Variants in JPT2 observed in about 807,000 individuals in gnomAD.
JPT2 encodes CRAMP_1 like.
In JPT2, 9 loss-of-function variants were observed where a neutral mutation model predicts 15.9. That is an observed-to-expected ratio of 0.57 (90% CI 0.34 to 0.99). JPT2 has a LOEUF of 0.99. Among genes scored for constraint, JPT2 ranks in the 50% least tolerant of loss-of-function variants. The pLI is 0.02. For synonymous variants in JPT2, 95 were observed against 91.7 expected (o/e 1.04, Z -0.21); for missense variants, 267 against 252.1 (o/e 1.06, Z -0.40).
chr16:1,691,706 C>T lies in JPT2; in HGVS notation c.194-137C>T, dbSNP rs2037104487. 5.9e-5 allele frequency: 60 copies of T among 1,011,580 alleles called. No individual in the cohort carries two copies. The South Asian group carries it at 9.6e-4, about 16-fold the overall frequency. The allele number at this position is 1,011,580 out of a possible 1,614,324, so 62.7% of individuals were successfully genotyped here. On this transcript the variant is annotated intron_variant, in intron 2 of 4. Coordinates refer to ENST00000248098, the MANE Select transcript of JPT2 (RefSeq NM_144570.3). The stretch of plus-strand genomic sequence containing the variant: ...TCTTCAGGGGTTTCAGTCTGAGCAT[C>T]CTGCCCTGTTGGCCTGGAGCTCAGG...
chr16:1,679,081 T>A (rs2036998998), intron 1 of JPT2, among the ~76,000 whole-genome samples: 1 of 152,230 alleles, frequency 6.6e-6, no homozygotes, highest in African/African-American at 2.4e-5. Flanking sequence ...ACACTTTTCT[T>A]ATGTTTTTGA....
At position 1,685,341 on chromosome 16, in the gene JPT2, CA is replaced by C. The variant is rs2037056483; in HGVS notation, c.45-94del. On this transcript the variant is annotated intron_variant, in intron 1 of 4. Transcript: ENST00000248098. ...AGACCTTGTCTCAAAAAGAAAAAAA[CA>C]AAATACTTTTACCCTGTCTAGTTGT... 3 of 1,337,802 alleles carry C rather than the reference CA, an allele frequency of 2.2e-6. No homozygotes were observed. The Admixed American group carries it at 6.7e-5, about 30-fold the overall frequency. 82.9% of individuals were successfully genotyped at this position (1,337,802 alleles called of 1,614,324 possible).
chr16:1,678,486 C>CTCGGGGCCGCCGCCCGCCTT (rs2036991744), intron 1 of JPT2, 130 bp downstream of exon 1: 1 of 929,560 alleles, frequency 1.1e-6, no homozygotes, highest in African/African-American at 1.7e-5. Context: ...CACAGAGGCC[C>CTCGGGGCCGCCGCCCGCCTT]TCGGGGCCGC....
At chr16:1,680,390 A>G (rs2037012969) in intron 1 of JPT2, 2 of 1,080,496 alleles carry the variant, frequency 1.9e-6, no homozygotes, top group Non-Finnish European at 2.3e-6. Flanking sequence ...CTAAAGTCAT[A>G]CTCACACTAC....
Position 1,682,065 on chromosome 16 carries a change from C to T in JPT2, c.45-3374C>T, listed in dbSNP as rs866065045. Among the ~76,000 whole-genome samples the T allele has an allele frequency of 5.9e-5, 9 of 152,312 alleles. No individual in the cohort carries two copies. In the South Asian group the frequency reaches 1.0e-3, roughly 18 times the overall value. ...AGAGACCCGTGCATGTTTAGACCTG[C>T]TACACTATCCAAGAAAAATCGCAGA... On this transcript the variant is annotated intron_variant, in intron 1 of 4. Transcript: ENST00000248098.
intron 3 of JPT2, 56 bp from the exon 4 acceptor site, chr16:1,697,756 G>C: frequency 1.4e-5 from 21 of 1,540,192 alleles, no homozygotes; most frequent in Non-Finnish European, 1.9e-5. Flanking sequence ...TTGTCCATTT[G>C]AATGAGGGTA....
intron 2 of JPT2, chr16:1,689,683 C>T (rs1596507531): frequency 6.6e-6 from 1 of 152,410 alleles, no homozygotes; most frequent in South Asian, 2.0e-4. Flanking sequence ...CTCAAGCAGT[C>T]CTCCCACCTT....
At chr16:1,684,116 C>T (rs1400530068) in intron 1 of JPT2, among the ~76,000 whole-genome samples, 10 of 152,188 alleles carry the variant, frequency 6.6e-5, no homozygotes, top group African/African-American at 1.9e-4. Flanking sequence ...TGTAGATGTT[C>T]AGTACAGATG....
At chr16:1,684,724 CAA>C (rs1367783603) in intron 1 of JPT2, among the ~76,000 whole-genome samples, 1 of 151,636 alleles carries the variant, frequency 6.6e-6, no homozygotes, top group Non-Finnish European at 1.5e-5. Context: ...GCCTGGGCAA[CAA>C]GAGTAAAACT....
At chr16:1,683,528 G>GGA in intron 1 of JPT2, 3 of 1,535,246 alleles carry the variant, frequency 2.0e-6, no homozygotes, top group Non-Finnish European at 2.6e-6. Context: ...ACTGCTGACA[G>GGA]GAAGTTTGGC....
At position 1,692,021 on chromosome 16, in the gene JPT2, G is replaced by T. The variant is rs766928639; in HGVS notation, c.336+36G>T. The T allele has an allele frequency of 3.1e-6, 5 of 1,609,718 alleles. No homozygotes were observed. In the African/African-American group the frequency reaches 4.0e-5, roughly 13 times the overall value. ...CATTCAGACGTGACAGCGCAGCAGC[G>T]GGTATGCCAGGTGCTCTTTCCAAAA... On this transcript the variant is annotated intron_variant, in intron 3 of 4. Transcript: ENST00000248098.
chr16:1,695,336 T>C (rs11248887), intron 3 of JPT2, among the ~76,000 whole-genome samples: 16,923 of 147,412 alleles, frequency 0.11, 1,256 homozygotes, highest in African/African-American at 0.22. Context: ...ACCCAGGAGG[T>C]GGAGGTTGCA....
chr16:1,700,848 C>G lies in JPT2; in HGVS notation c.*1850C>G, dbSNP rs1453602539. 1 of 152,220 alleles carries G rather than the reference C, an allele frequency of 6.6e-6. No homozygotes were observed. The highest frequency in any genetic ancestry group is 1.5e-5 in the Non-Finnish European group (1 of 68,062). The allele number at this position is 152,220 out of a possible 1,614,324, so 9.4% of individuals were successfully genotyped here. A position where few individuals can be genotyped will look rare whatever the true frequency, so the allele number is the denominator to read the frequency against. On this transcript the variant is annotated 3_prime_UTR_variant, in exon 5 of 5. Coordinates refer to ENST00000248098, the MANE Select transcript of JPT2 (RefSeq NM_144570.3). ...ACGGTACTGGGCCCTGTGATTCTCCCAGCCCTTGCAGTCCGCTAGGTGAGA... is the reference window on the plus strand; with the variant it reads ...ACGGTACTGGGCCCTGTGATTCTCCGAGCCCTTGCAGTCCGCTAGGTGAGA...
rs2037158636 is a variant in JPT2, at chr16:1,698,524, AGTG to A, written c.386-283_386-281del. On this transcript the variant is annotated intron_variant, in intron 4 of 4. Coordinates refer to ENST00000248098, the MANE Select transcript of JPT2 (RefSeq NM_144570.3). The surrounding 1 kb of genome is among the most constrained non-coding windows in gnomAD (Gnocchi z 4.9). ...CTATACTTGAGATGGAAGAAATGGG[AGTG>A]GTGTCTAACAAGCAATATAAAGAAA... 6.6e-6 allele frequency among the ~76,000 whole-genome samples: 1 copy of A among 152,172 alleles called. No homozygotes were observed. The highest frequency in any genetic ancestry group is 1.5e-5 in the Non-Finnish European group (1 of 68,020).
intron 1 of JPT2, 124 bp downstream of exon 1, chr16:1,678,480 G>A: frequency 1.0e-6 from 1 of 987,594 alleles, no homozygotes; most frequent in Admixed American, 4.4e-5. Context: ...CGACCTCACA[G>A]AGGCCCTCGG....
intron 2 of JPT2, among the ~76,000 whole-genome samples, chr16:1,687,365 T>C (rs971808134): frequency 1.3e-5 from 2 of 152,206 alleles, no homozygotes; most frequent in Admixed American, 1.3e-4. Context: ...TGTTTCTTAT[T>C]AAGTGACTAA....
At chr16:1,681,617 TCA>T in intron 1 of JPT2, among the ~76,000 whole-genome samples, 1 of 152,160 alleles carries the variant, frequency 6.6e-6, no homozygotes, top group Non-Finnish European at 1.5e-5. Flanking sequence ...GTCACGTCAC[TCA>T]CACAGACACT....
At chr16:1,696,318 G>A (rs951738029) in intron 3 of JPT2, among the ~76,000 whole-genome samples, 2 of 152,010 alleles carry the variant, frequency 1.3e-5, no homozygotes, top group Admixed American at 1.3e-4. Flanking sequence ...GGCGGATCAC[G>A]AGGTCAGATC....
chr16:1,686,352 G>A (rs1194225436), intron 2 of JPT2: 1 of 149,070 alleles, frequency 6.7e-6, no homozygotes, highest in Non-Finnish European at 1.5e-5. Context: ...TAGCCTGGGT[G>A]ACAGAGCGAG....
Sources: allele counts gnomAD v4.1 joint callset (sites outside exome capture counted in the v4.1 genomes callset), GRCh38; gene constraint gnomAD v4.1.1; non-coding constraint Gnocchi (gnomAD v3.1); transcripts MANE v1.5; gene names NCBI Gene and HGNC (gene_info 2026-07-23, HGNC 2026-07-21).